Variants in PKP4 observed in about 807,000 individuals in gnomAD.
PKP4 encodes plakophilin 4.
Under a neutral mutation model 145.1 loss-of-function variants are expected in PKP4, and 90 were observed. That is an observed-to-expected ratio of 0.62 (90% confidence interval 0.52 to 0.74). PKP4 has a LOEUF of 0.74. PKP4 is among the 30% of genes least tolerant of loss of function. PKP4 has a pLI of 0.00. For synonymous variants in PKP4, 563 were observed against 577.2 expected (o/e 0.98, Z 0.35); for missense variants, 1,340 against 1,482.7 (o/e 0.90, Z 1.58).
intron 13 of PKP4, chr2:158,661,906 CCTG>C (rs1445615793): frequency 1.3e-5 from 2 of 158,840 alleles, no homozygotes; most frequent in Non-Finnish European, 2.8e-5. Flanking sequence ...TACACCCCCT[CCTG>C]CTGCTGCTGC....
chr2:158,677,533 T>C (rs898488024), intron 20 of PKP4, among the ~76,000 whole-genome samples: 1 of 152,238 alleles, frequency 6.6e-6, no homozygotes, highest in Non-Finnish European at 1.5e-5. Context: ...ATAACTACTT[T>C]AGATGTTCCA....
chr2:158,544,481 T>C (rs952654644), intron 2 of PKP4, among the ~76,000 whole-genome samples: 2 of 152,164 alleles, frequency 1.3e-5, no homozygotes, highest in Non-Finnish European at 2.9e-5. Flanking sequence ...GAAATTTTAA[T>C]TTGGTTTTCC....
chr2:158,672,420 G>A (rs1192343405), intron 17 of PKP4, among the ~76,000 whole-genome samples: 1 of 152,178 alleles, frequency 6.6e-6, no homozygotes, highest in Non-Finnish European at 1.5e-5. Context: ...AGTCCTGCCT[G>A]GTCGAGTGTT....
chr2:158,656,978 C>T (rs943222748), intron 11 of PKP4, among the ~76,000 whole-genome samples: 1 of 152,166 alleles, frequency 6.6e-6, no homozygotes, highest in Non-Finnish European at 1.5e-5. Context: ...CTTGATCAGT[C>T]ATGTTCACAA....
chr2:158,496,980 A>G (rs1695838136), intron 1 of PKP4, among the ~76,000 whole-genome samples: 1 of 152,164 alleles, frequency 6.6e-6, no homozygotes, highest in Non-Finnish European at 1.5e-5. Context: ...CTGAAGTCCC[A>G]CTAACAGATT....
At chr2:158,590,312 A>AGAGTGTGTGTGT (rs745866962) in intron 3 of PKP4, among the ~76,000 whole-genome samples, 1 of 124,214 alleles carries the variant, frequency 8.1e-6, no homozygotes. Context: ...GAATGTCTTG[A>AGAGTGTGTGTGT]GTGTGTGTGT....
intron 1 of PKP4, among the ~76,000 whole-genome samples, chr2:158,463,996 G>A (rs574054434): frequency 5.3e-5 from 8 of 152,202 alleles, no homozygotes; most frequent in Non-Finnish European, 1.0e-4. Flanking sequence ...GTTTGTCACA[G>A]CCCTGACTTC....
intron 1 of PKP4, among the ~76,000 whole-genome samples, chr2:158,477,020 A>C (rs1398816142): frequency 6.6e-6 from 1 of 152,138 alleles, no homozygotes; most frequent in Admixed American, 6.5e-5. Context: ...TGTATAATAG[A>C]ATTCTTTGTA....
chr2:158,537,983 C>T (rs534090824), intron 2 of PKP4, among the ~76,000 whole-genome samples: 11 of 152,264 alleles, frequency 7.2e-5, no homozygotes, highest in Non-Finnish European at 1.3e-4. Flanking sequence ...TGCCACTGCA[C>T]TCCAGCCTGG....
chr2:158,500,009 G>A (rs1220174447), intron 1 of PKP4, among the ~76,000 whole-genome samples: 1 of 152,236 alleles, frequency 6.6e-6, no homozygotes, highest in African/African-American at 2.4e-5. Context: ...TTAGTGTACT[G>A]ATGCTAGAGA....
At chr2:158,468,770 CTTT>C (rs58577988) in intron 1 of PKP4, among the ~76,000 whole-genome samples, 3 of 109,968 alleles carry the variant, frequency 2.7e-5, no homozygotes, top group East Asian at 2.7e-4. Flanking sequence ...TCTTCTTCTT[CTTT>C]TTTTTTTTTT....
intron 2 of PKP4, among the ~76,000 whole-genome samples, chr2:158,545,073 C>T (rs1574404243): frequency 5.2e-4 from 38 of 72,506 alleles, no homozygotes; most frequent in Admixed American, 1.1e-3. Flanking sequence ...AAGTCTTTCA[C>T]TTTTTTTTTT....
At chr2:158,579,642 A>T (rs185271321) in intron 3 of PKP4, among the ~76,000 whole-genome samples, 1 of 152,114 alleles carries the variant, frequency 6.6e-6, no homozygotes, top group Non-Finnish European at 1.5e-5. Context: ...ATTACAAAGA[A>T]CATACTTATT....
chr2:158,610,193 C>T (rs2051010520), intron 4 of PKP4, among the ~76,000 whole-genome samples: 1 of 152,072 alleles, frequency 6.6e-6, no homozygotes, highest in African/African-American at 2.4e-5. Flanking sequence ...TCTTTTCTTG[C>T]ATGTCTTATA....
chr2:158,504,675 TA>T (rs5835710), intron 1 of PKP4, among the ~76,000 whole-genome samples: 101,971 of 151,142 alleles, frequency 0.67, 34,563 homozygotes, highest in South Asian at 0.83. Context: ...TAAATATCCT[TA>T]AAAAAAAAAC....
intron 15 of PKP4, among the ~76,000 whole-genome samples, chr2:158,664,465 T>C (rs1043415226): frequency 6.6e-6 from 1 of 152,224 alleles, no homozygotes; most frequent in African/African-American, 2.4e-5. Context: ...CCTCTAGTAA[T>C]TTCTTGACAG....
intron 19 of PKP4, among the ~76,000 whole-genome samples, chr2:158,675,531 G>C (rs897257784): frequency 2.0e-5 from 3 of 152,110 alleles, no homozygotes; most frequent in African/African-American, 7.2e-5. Flanking sequence ...CAAATTCCTA[G>C]GTGCCTTTTG....
intron 2 of PKP4, among the ~76,000 whole-genome samples, chr2:158,567,914 A>G (rs1274578651): frequency 6.6e-6 from 1 of 152,236 alleles, no homozygotes; most frequent in Non-Finnish European, 1.5e-5. Flanking sequence ...GATAAGAGAA[A>G]GGGAGGAAAT....
At chr2:158,464,864 G>A (rs1690346773) in intron 1 of PKP4, among the ~76,000 whole-genome samples, 1 of 152,218 alleles carries the variant, frequency 6.6e-6, no homozygotes, top group Non-Finnish European at 1.5e-5. Context: ...TAGACAATTA[G>A]TACTTTAGAT....
Sources: allele counts gnomAD v4.1 joint callset (sites outside exome capture counted in the v4.1 genomes callset), GRCh38; gene constraint gnomAD v4.1.1; transcripts MANE v1.5; gene names NCBI Gene and HGNC (gene_info 2026-07-23, HGNC 2026-07-21).